Variants in MGRN1 observed in about 807,000 individuals in gnomAD.
The protein encoded by MGRN1 is mahogunin ring finger 1, also known as E3 ubiquitin-protein ligase MGRN1.
Under a neutral mutation model 69.2 loss-of-function variants are expected in MGRN1, and 29 were observed. That is an observed-to-expected ratio of 0.42 (90% confidence interval 0.31 to 0.57). The LOEUF is 0.57. Ranked by LOEUF, MGRN1 falls within the 20% of genes least tolerant of loss-of-function variation. The pLI, the probability that MGRN1 is intolerant of heterozygous loss-of-function variation, is 0.15. For missense variants in MGRN1, 998 were observed against 796.2 expected (o/e 1.25, Z -3.05); for synonymous variants, 470 against 344.2 (o/e 1.37, Z -4.04).
chr16:4,680,231 C>G (rs552342503), intron 12 of MGRN1, 134 bp downstream of exon 12: 5 of 859,606 alleles, frequency 5.8e-6, no homozygotes, highest in Non-Finnish European at 9.0e-6. Flanking sequence ...TTGCCCAGTC[C>G]CGGCCTCCCT....
intron 15 of MGRN1, 75 bp downstream of exon 15, chr16:4,683,344 C>T (rs148388448): frequency 0.015 from 23,108 of 1,551,720 alleles, 190 homozygotes; most frequent in Non-Finnish European, 0.018. Context: ...CCTTAGGGCT[C>T]CAGGTGGTGT....
chr16:4,690,861 G>A lies in MGRN1; in HGVS notation c.*1953G>A, dbSNP rs2141999200. ...GTGCCAGAGCTTTGCGTGAAGTTCG[G>A]GCCGCAGAGTGGCCCGCTGGGACTC... On this transcript the variant is annotated 3_prime_UTR_variant, in exon 17 of 17. Coordinates refer to ENST00000262370, the MANE Select transcript of MGRN1 (RefSeq NM_015246.4). 1 of 150,196 alleles carries A rather than the reference G, an allele frequency of 6.7e-6. No individual in the cohort carries two copies. The highest frequency in any genetic ancestry group is 2.0e-4 in the East Asian group (1 of 5,024). 9.3% of individuals were successfully genotyped at this position (150,196 alleles called of 1,614,324 possible). A position where few individuals can be genotyped will look rare whatever the true frequency, so the allele number is the denominator to read the frequency against.
intron 5 of MGRN1, among the ~76,000 whole-genome samples, chr16:4,660,228 G>T (rs2078646211): frequency 6.6e-6 from 1 of 152,214 alleles, no homozygotes; most frequent in South Asian, 2.1e-4. Flanking sequence ...AGAGTGTTAG[G>T]CCAGTTCTGC....
At chr16:4,683,543 A>G (rs995786647) in intron 15 of MGRN1, among the ~76,000 whole-genome samples, 2 of 136,754 alleles carry the variant, frequency 1.5e-5, no homozygotes, top group African/African-American at 5.3e-5. Flanking sequence ...TGAGCGTGTA[A>G]TGTTTCTATG....
chr16:4,668,981 CAT>C (rs2078877246), intron 8 of MGRN1: 1 of 152,080 alleles, frequency 6.6e-6, no homozygotes, highest in South Asian at 2.1e-4. Flanking sequence ...CACTCACGCA[CAT>C]ATACAAAGAC....
At chr16:4,647,633 C>G (rs1259745573) in intron 1 of MGRN1, among the ~76,000 whole-genome samples, 1 of 152,236 alleles carries the variant, frequency 6.6e-6, no homozygotes, top group Non-Finnish European at 1.5e-5. Context: ...AGAAAATGAT[C>G]TTGCAGTGTG....
chr16:4,648,832 C>G (rs1188455440), intron 1 of MGRN1, among the ~76,000 whole-genome samples: 1 of 133,862 alleles, frequency 7.5e-6, no homozygotes, highest in Admixed American at 7.1e-5. Flanking sequence ...CACCCGGGTC[C>G]TCCTCCCGGG....
chr16:4,686,517 G>A, intron 16 of MGRN1: 1 of 1,376,058 alleles, frequency 7.3e-7, no homozygotes, highest in Non-Finnish European at 9.3e-7. Flanking sequence ...TGACTTTCGG[G>A]GCCAGAGGTC....
At chr16:4,680,928 C>G (rs1009262847) in intron 12 of MGRN1, among the ~76,000 whole-genome samples, 1 of 152,262 alleles carries the variant, frequency 6.6e-6, no homozygotes, top group Admixed American at 6.5e-5. Flanking sequence ...TGCCCCTCAA[C>G]CTGGTTTTGT....
intron 1 of MGRN1, 96 bp downstream of exon 1, chr16:4,625,144 C>T (rs1175835353): frequency 9.6e-6 from 11 of 1,146,916 alleles, no homozygotes; most frequent in South Asian, 1.8e-5. Flanking sequence ...GCGCCCTGCT[C>T]GGCCCCCTCC....
chr16:4,675,195 G>C (rs894165004), intron 10 of MGRN1, among the ~76,000 whole-genome samples: 3 of 151,482 alleles, frequency 2.0e-5, no homozygotes, highest in South Asian at 2.1e-4. Context: ...CTGGTCTGAA[G>C]CTCCTGACCT....
intron 16 of MGRN1, chr16:4,687,600 C>T (rs2079361260): frequency 1.0e-6 from 1 of 985,050 alleles, no homozygotes; most frequent in Non-Finnish European, 1.2e-6. Context: ...CACACACACA[C>T]ACACACACGG....
At chr16:4,648,826 C>T (rs2078337466) in intron 1 of MGRN1, among the ~76,000 whole-genome samples, 2 of 131,752 alleles carry the variant, frequency 1.5e-5, no homozygotes, top group South Asian at 2.5e-4. Context: ...CGTGGTCACC[C>T]GGGTCCTCCT....
At chr16:4,679,904 C>G in intron 11 of MGRN1, 128 bp from the exon 12 acceptor site, 1 of 878,074 alleles carries the variant, frequency 1.1e-6, no homozygotes, top group South Asian at 1.6e-5. Context: ...CCGAGATTCA[C>G]GTCCCCCGGA....
intron 1 of MGRN1, among the ~76,000 whole-genome samples, chr16:4,638,202 G>A (rs2078074341): frequency 6.6e-6 from 1 of 152,050 alleles, no homozygotes; most frequent in Non-Finnish European, 1.5e-5. Context: ...GGGTGTGGTG[G>A]CTCCCTGTAA....
intron 8 of MGRN1, among the ~76,000 whole-genome samples, chr16:4,668,753 T>C (rs967940190): frequency 1.2e-4 from 15 of 125,292 alleles, no homozygotes; most frequent in South Asian, 2.4e-4. Flanking sequence ...TACACACACA[T>C]ATACCCATTC....
chr16:4,662,955 A>G (rs566623463), intron 5 of MGRN1, among the ~76,000 whole-genome samples: 1 of 152,288 alleles, frequency 6.6e-6, no homozygotes, highest in South Asian at 2.1e-4. Flanking sequence ...CATGGGTCTT[A>G]GTCAGTGAGG....
Position 4,677,508 on chromosome 16 carries a change from G to A in MGRN1, c.1001G>A (p.Gly334Glu). Residue 334 changes from glycine (G) to glutamate (E), a missense_variant, in exon 11 of 17, where the codon GGA (glycine) becomes GAA (glutamate). Coordinates refer to ENST00000262370, the MANE Select transcript of MGRN1 (RefSeq NM_015246.4). ...LQIRAVRKKPGALSPVSFSPV... is the reference protein window; with the variant it reads ...LQIRAVRKKPEALSPVSFSPV... The stretch of plus-strand genomic sequence containing the variant: ...ATCCGGGCGGTGCGGAAGAAGCCAG[G>A]AGCCCTGTCCCCCGTGTCCTTCAGC... 6.3e-7 allele frequency: 1 copy of A among 1,594,834 alleles called. No homozygotes were observed. The highest frequency in any genetic ancestry group is 1.1e-5 in the South Asian group (1 of 90,708).
At chr16:4,628,759 G>C (rs1023090203) in intron 1 of MGRN1, among the ~76,000 whole-genome samples, 2 of 152,170 alleles carry the variant, frequency 1.3e-5, no homozygotes, top group Non-Finnish European at 2.9e-5. Context: ...TGGCCAGTCT[G>C]GTCTCGAGCT....
Sources: gnomAD v4.1 joint callset for allele counts (sites outside exome capture counted in the v4.1 genomes callset) on GRCh38, gnomAD v4.1.1 for gene constraint, MANE v1.5 for transcripts, NCBI Gene and HGNC (gene_info 2026-07-23, HGNC 2026-07-21) for gene names.